MYRIP: variants seen among roughly 807,000 people sequenced by gnomAD.
MYRIP encodes the protein myosin VIIA and Rab interacting protein.
MYRIP carries 49 observed loss-of-function variants against 98.0 expected under a neutral mutation model. The ratio of observed to expected loss-of-function variants is 0.50; its 90% CI spans 0.40 to 0.63. The LOEUF (loss-of-function observed/expected upper bound fraction) is 0.63. Ranked by LOEUF, MYRIP falls within the 30% of genes least tolerant of loss-of-function variation. MYRIP has a pLI of 0.00. For synonymous variants in MYRIP, 404 were observed against 409.5 expected (o/e 0.99, Z 0.16); for missense variants, 1,004 against 1,058.2 (o/e 0.95, Z 0.71).
intron 3 of MYRIP, among the ~76,000 whole-genome samples, chr3:40,104,633 C>G (rs538589049): frequency 2.0e-5 from 3 of 152,330 alleles, no homozygotes; most frequent in East Asian, 1.9e-4. Context: ...TTCTCATCAT[C>G]ATCAGACCCA....
At chr3:40,031,574 A>G (rs377344584) in intron 2 of MYRIP, among the ~76,000 whole-genome samples, 3 of 152,242 alleles carry the variant, frequency 2.0e-5, no homozygotes, top group African/African-American at 7.2e-5. Context: ...GTGAAAGAGA[A>G]CCCAGAAAAA....
At chr3:39,957,410 A>G (rs1945196359) in intron 2 of MYRIP, among the ~76,000 whole-genome samples, 1 of 152,212 alleles carries the variant, frequency 6.6e-6, no homozygotes, top group Non-Finnish European at 1.5e-5. Context: ...TCATATAAAC[A>G]GAACCAACGA....
intron 4 of MYRIP, among the ~76,000 whole-genome samples, chr3:40,159,642 T>TAC (rs1291597771): frequency 3.8e-4 from 58 of 152,142 alleles, no homozygotes. Context: ...CAATCAGACG[T>TAC]AGATTTGGTC....
At chr3:39,876,668 C>T (rs1049873622) in intron 1 of MYRIP, among the ~76,000 whole-genome samples, 6 of 151,948 alleles carry the variant, frequency 3.9e-5, no homozygotes, top group South Asian at 2.1e-4. Context: ...TGAATATTGG[C>T]CCCCACTCTC....
chr3:39,809,385 C>T (rs1247458375), upstream of MYRIP, among the ~76,000 whole-genome samples: 1 of 149,328 alleles, frequency 6.7e-6, no homozygotes, highest in African/African-American at 2.4e-5. Context: ...CGCCTCCTCC[C>T]GGTGCGCCCC....
At chr3:40,173,104 T>C (rs954041433) in intron 8 of MYRIP, 3 of 152,062 alleles carry the variant, frequency 2.0e-5, no homozygotes, top group African/African-American at 7.3e-5. Context: ...AATAATGGAG[T>C]GATGGTCAGG....
intron 2 of MYRIP, among the ~76,000 whole-genome samples, chr3:40,009,204 T>A (rs1001727732): frequency 2.6e-5 from 4 of 151,250 alleles, no homozygotes; most frequent in African/African-American, 7.3e-5. Context: ...CTAGGCACGG[T>A]CACCACAGTG....
chr3:40,226,864 G>A (rs931080263), intron 11 of MYRIP, among the ~76,000 whole-genome samples: 3 of 152,168 alleles, frequency 2.0e-5, no homozygotes, highest in African/African-American at 7.2e-5. Context: ...CCAGACTCCT[G>A]AGGCTGGCAT....
intron 2 of MYRIP, among the ~76,000 whole-genome samples, chr3:39,954,754 G>A (rs1158652309): frequency 2.6e-5 from 4 of 152,200 alleles, no homozygotes; most frequent in East Asian, 3.9e-4. Context: ...CAAACCCATC[G>A]CAAAGAAGCT....
intron 2 of MYRIP, among the ~76,000 whole-genome samples, chr3:40,005,070 C>A (rs1404653033): frequency 2.0e-5 from 3 of 152,164 alleles, no homozygotes; most frequent in African/African-American, 7.2e-5. Context: ...GAATAATGGC[C>A]TCCAGCTGCA....
At chr3:39,880,098 G>A (rs928220983) in intron 1 of MYRIP, among the ~76,000 whole-genome samples, 2 of 151,742 alleles carry the variant, frequency 1.3e-5, no homozygotes, top group Non-Finnish European at 2.9e-5. Flanking sequence ...GGGTACATGT[G>A]CACAACGTGC....
intron 3 of MYRIP, among the ~76,000 whole-genome samples, chr3:40,097,039 T>C (rs908269209): frequency 6.6e-6 from 1 of 152,226 alleles, no homozygotes; most frequent in Non-Finnish European, 1.5e-5. Context: ...GGCTTTTGAC[T>C]TCTTCAGTGA....
chr3:40,084,420 G>GATAGATAATACACATCTAT (rs2125874733), intron 3 of MYRIP, among the ~76,000 whole-genome samples: 1 of 39,860 alleles, frequency 2.5e-5, no homozygotes, highest in Non-Finnish European at 5.5e-5. Flanking sequence ...ATTATCTATC[G>GATAGATAATACACATCTAT]GTAGATAATA....
At chr3:40,214,694 G>A (rs1952064291) in intron 11 of MYRIP, among the ~76,000 whole-genome samples, 1 of 152,116 alleles carries the variant, frequency 6.6e-6, no homozygotes, top group Non-Finnish European at 1.5e-5. Flanking sequence ...GACCTCAGCG[G>A]TCAGCCTTCC....
intron 1 of MYRIP, among the ~76,000 whole-genome samples, chr3:39,810,127 A>G (rs1012065514): frequency 1.3e-5 from 2 of 152,178 alleles, no homozygotes; most frequent in African/African-American, 4.8e-5. Flanking sequence ...GAACTTGCTC[A>G]GGGATCATCG....
chr3:40,202,120 A>G (rs1951582205), intron 10 of MYRIP, among the ~76,000 whole-genome samples: 1 of 152,212 alleles, frequency 6.6e-6, no homozygotes, highest in South Asian at 2.1e-4. Flanking sequence ...CAAGCTGCAG[A>G]AACTTTGTTT....
chr3:40,185,477 T>G (rs1951007808), intron 9 of MYRIP, among the ~76,000 whole-genome samples: 1 of 152,078 alleles, frequency 6.6e-6, no homozygotes, highest in East Asian at 1.9e-4. Flanking sequence ...GGGAGCAGGA[T>G]CCCCGAGGGG....
At chr3:40,082,783 T>A (rs550491774) in intron 3 of MYRIP, among the ~76,000 whole-genome samples, 1 of 152,360 alleles carries the variant, frequency 6.6e-6, no homozygotes, top group Admixed American at 6.5e-5. Context: ...ATGGCATGTG[T>A]AATGGATACA....
intron 2 of MYRIP, among the ~76,000 whole-genome samples, chr3:40,020,774 T>C (rs918586892): frequency 2.0e-5 from 3 of 152,342 alleles, no homozygotes; most frequent in African/African-American, 7.2e-5. Flanking sequence ...AATTTTGATA[T>C]TTGTATCTTG....
Sources: allele counts gnomAD v4.1 joint callset (sites outside exome capture counted in the v4.1 genomes callset), GRCh38; gene constraint gnomAD v4.1.1; transcripts MANE v1.5; gene names NCBI Gene and HGNC (gene_info 2026-07-23, HGNC 2026-07-21).